Variants in FRMPD3 observed in about 807,000 individuals in gnomAD.
The protein encoded by FRMPD3 is FERM and PDZ domain-containing protein 3.
In FRMPD3, 42 loss-of-function variants were observed where a neutral mutation model predicts 97.9. The ratio of observed to expected loss-of-function variants is 0.43; its 90% CI spans 0.34 to 0.55. The LOEUF is 0.55. Among genes scored for constraint, FRMPD3 ranks in the 20% least tolerant of loss-of-function variants. The pLI is 0.03. For missense variants in FRMPD3, 1,303 were observed against 1,457.7 expected (o/e 0.89, Z 1.73); for synonymous variants, 577 against 581.1 (o/e 0.99, Z 0.10).
chrX:107,459,225 G>A (rs750999057), intron 1 of FRMPD3, among the ~76,000 whole-genome samples: 1 of 112,655 alleles, frequency 8.9e-6, no homozygotes, highest in Non-Finnish European at 1.9e-5. Flanking sequence ...CCGGAGGCAG[G>A]CGATGCCTGT....
chrX:107,565,087 C>T (rs766976058), intron 12 of FRMPD3, 21 bp downstream of exon 12: 200 of 1,143,114 alleles, frequency 1.7e-4, no homozygotes, highest in Non-Finnish European at 2.2e-4. Context: ...CTTTGAGGGC[C>T]TCCTTCTGTT....
At chrX:107,563,940 G>A (rs1230006987) in intron 11 of FRMPD3, among the ~76,000 whole-genome samples, 1 of 112,217 alleles carries the variant, frequency 8.9e-6, no homozygotes, top group Non-Finnish European at 1.9e-5. Flanking sequence ...CTGGTGAAAG[G>A]AAATTCAAAT....
At position 107,576,467 on chromosome X, in the gene FRMPD3, T is replaced by C; in HGVS notation, c.1441+8T>C. 8.3e-7 allele frequency: 1 copy of C among 1,208,553 alleles called. No homozygotes were observed. The highest frequency in any genetic ancestry group is 1.1e-6 in the Non-Finnish European group (1 of 894,554). ...CTCCAATGATCAAGGCAGGTAGGGC[T>C]CAACCTCGGTTGGTTTTTGCTGTGC... On this transcript the variant is annotated splice_region_variant and intron_variant, in intron 13 of 14. Transcript: ENST00000683843.
At chrX:107,512,104 G>A (rs2147535428) in intron 1 of FRMPD3, among the ~76,000 whole-genome samples, 1 of 110,251 alleles carries the variant, frequency 9.1e-6, no homozygotes, top group South Asian at 4.0e-4. Context: ...TCCGGTGAGT[G>A]GGAAATTGGC....
chrX:107,527,698 A>G (rs769157677), intron 2 of FRMPD3, among the ~76,000 whole-genome samples: 7 of 112,626 alleles, frequency 6.2e-5, no homozygotes, highest in Admixed American at 9.4e-5. Context: ...GATGTTTACA[A>G]CAGTTTCTCG....
At chrX:107,488,898 A>ATATG (rs755921305) in intron 1 of FRMPD3, among the ~76,000 whole-genome samples, 2 of 108,754 alleles carry the variant, frequency 1.8e-5, no homozygotes, top group East Asian at 2.9e-4. Context: ...GGTTTGTTAC[A>ATATG]TATGTATACA....
intron 1 of FRMPD3, among the ~76,000 whole-genome samples, chrX:107,525,334 C>T (rs1569415653): frequency 8.9e-6 from 1 of 111,751 alleles, no homozygotes; most frequent in African/African-American, 3.3e-5. Context: ...ACCTTCTTCC[C>T]TGGCCTTGGC....
At chrX:107,598,711 A>G (rs917495777) in intron 14 of FRMPD3, among the ~76,000 whole-genome samples, 2 of 112,098 alleles carry the variant, frequency 1.8e-5, no homozygotes, top group Admixed American at 9.5e-5. Flanking sequence ...ATCATCTTAA[A>G]TGGGTTTTAT....
At chrX:107,583,112 C>CA (rs1923472128) in intron 13 of FRMPD3, among the ~76,000 whole-genome samples, 1 of 104,876 alleles carries the variant, frequency 9.5e-6, no homozygotes, top group Non-Finnish European at 2.0e-5. Context: ...TTTTCTTTTT[C>CA]TTTTTTTTTC....
chrX:107,513,707 G>A lies in FRMPD3; in HGVS notation c.-7-12875G>A, dbSNP rs1016683074. On this transcript the variant is annotated intron_variant, in intron 1 of 14. Transcript: ENST00000683843. The stretch of plus-strand genomic sequence containing the variant: ...CCTTTCACAGGCTGAGACACAAACC[G>A]TAGGCATTTGATAATAAACTGCATG... 8.0e-5 allele frequency among the ~76,000 whole-genome samples: 9 copies of A among 112,007 alleles called. No individual in the cohort carries two copies. The South Asian group carries it at 1.5e-3, about 19-fold the overall frequency.
intron 4 of FRMPD3, among the ~76,000 whole-genome samples, chrX:107,543,083 A>G (rs1272558812): frequency 8.9e-6 from 1 of 112,256 alleles, no homozygotes; most frequent in Non-Finnish European, 1.9e-5. Flanking sequence ...TTTTAACCAT[A>G]TTATTGCAGT....
At chrX:107,595,370 C>T (rs2147643909) in intron 13 of FRMPD3, among the ~76,000 whole-genome samples, 1 of 110,302 alleles carries the variant, frequency 9.1e-6, no homozygotes, top group African/African-American at 3.3e-5. Flanking sequence ...TCCCAGACTC[C>T]CTTCTGTTAC....
At chrX:107,484,201 C>G (rs1375623301) in intron 1 of FRMPD3, among the ~76,000 whole-genome samples, 2 of 112,382 alleles carry the variant, frequency 1.8e-5, no homozygotes, top group Non-Finnish European at 3.8e-5. Flanking sequence ...TGGGCCCTCC[C>G]AGGGGCTTGC....
intron 1 of FRMPD3, among the ~76,000 whole-genome samples, chrX:107,523,184 G>C (rs1035514913): frequency 3.3e-4 from 37 of 111,309 alleles, no homozygotes; most frequent in African/African-American, 1.1e-3. Flanking sequence ...AGGAGGGAAG[G>C]AACAACTTCC....
chrX:107,551,967 CTTGA>C (rs769143465), intron 6 of FRMPD3, among the ~76,000 whole-genome samples: 309 of 112,402 alleles, frequency 2.7e-3, no homozygotes, highest in Middle Eastern at 9.2e-3. Context: ...TATTCCCAAG[CTTGA>C]TTCTTTCCAG....
Position 107,597,857 on chromosome X carries a change from ACTT to A in FRMPD3, c.1981_1983del (p.Ser661del). 1.1e-5 allele frequency: 13 copies of A among 1,199,377 alleles called. No homozygotes were observed. The highest frequency in any genetic ancestry group is 1.5e-5 in the Non-Finnish European group (13 of 889,989). ...GGAGGAGGAGGAGGAAGATGAGACAACTTCTCTGTTGCCAGCCATTGCTGCCCC... is the reference window on the plus strand; with the variant it reads ...GGAGGAGGAGGAGGAAGATGAGACAACTCTGTTGCCAGCCATTGCTGCCCC... On this transcript the variant is annotated inframe_deletion, in exon 14 of 15. Coordinates refer to ENST00000683843, the MANE Select transcript of FRMPD3 (RefSeq NM_001388459.1).
intron 1 of FRMPD3, among the ~76,000 whole-genome samples, chrX:107,489,295 T>C (rs1381120275): frequency 5.4e-5 from 6 of 110,685 alleles, no homozygotes; most frequent in Non-Finnish European, 1.1e-4. Context: ...GCAATAAACA[T>C]ACGTGTGCAT....
chrX:107,461,154 TG>T (rs761452615), intron 1 of FRMPD3, among the ~76,000 whole-genome samples: 11 of 112,211 alleles, frequency 9.8e-5, no homozygotes, highest in Non-Finnish European at 1.9e-4. Context: ...AGGTGATTGC[TG>T]GAAATGATGA....
chrX:107,587,189 T>C (rs148429993), intron 13 of FRMPD3, among the ~76,000 whole-genome samples: 1,959 of 112,052 alleles, frequency 0.017, 44 homozygotes, highest in African/African-American at 0.06. Context: ...AATTATTCCC[T>C]TTACCATTAT....
Sources: allele counts gnomAD v4.1 joint callset (sites outside exome capture counted in the v4.1 genomes callset), GRCh38; gene constraint gnomAD v4.1.1; transcripts MANE v1.5; gene names NCBI Gene and HGNC (gene_info 2026-07-23, HGNC 2026-07-21).